GNAT3: variants seen among roughly 807,000 people sequenced by gnomAD.
The protein encoded by GNAT3 is guanine nucleotide-binding protein G(t) subunit alpha-3.
A neutral mutation model predicts 37.7 loss-of-function variants in GNAT3; 31 were observed. That is an observed-to-expected ratio of 0.82 (90% CI 0.62 to 1.11). The LOEUF is 1.11. Ranked by LOEUF, GNAT3 falls within the 50% of genes most tolerant of loss-of-function variation. The pLI, the probability that GNAT3 is intolerant of heterozygous loss-of-function variation, is 0.00. For missense variants in GNAT3, 437 were observed against 412.5 expected, an observed-to-expected ratio of 1.06 and a Z score of -0.51; for synonymous variants, 138 against 139.8, an observed-to-expected ratio of 0.99 and a Z score of 0.09.
intron 1 of GNAT3, among the ~76,000 whole-genome samples, chr7:80,507,151 T>C (rs982973170): frequency 1.3e-5 from 2 of 152,008 alleles, no homozygotes; most frequent in African/African-American, 4.8e-5. Flanking sequence ...TCCTAATATA[T>C]AATTATTCCA....
At chr7:80,493,910 C>T (rs1157023731) in intron 2 of GNAT3, among the ~76,000 whole-genome samples, 1 of 150,414 alleles carries the variant, frequency 6.6e-6, no homozygotes, top group African/African-American at 2.5e-5. Context: ...TGCACCTCCT[C>T]CTCCTTTCCT....
chr7:80,476,715 AG>A (rs907220521), intron 4 of GNAT3, among the ~76,000 whole-genome samples: 6 of 152,056 alleles, frequency 3.9e-5, no homozygotes, highest in African/African-American at 1.4e-4. Context: ...CACACATTAT[AG>A]TACCAATCTC....
rs1407672905 is a variant in GNAT3, at chr7:80,478,911, ACAGCCGTTTTATTACCTCAG to A, written c.371_390del (p.Ala124ValfsTer11). The stretch of plus-strand genomic sequence containing the variant: ...CAGGCCTGAATTCCTGGATCTCTCC[ACAGCCGTTTTATTACCTCAG>A]CCAGTTGAGGTGTCATGCCACCATC... On this transcript the variant is annotated frameshift_variant, in exon 4 of 8. Transcript: ENST00000398291. LOFTEE classifies it high-confidence loss of function. 1 of 1,613,284 alleles carries A rather than the reference ACAGCCGTTTTATTACCTCAG, an allele frequency of 6.2e-7. No individual in the cohort carries two copies. The highest frequency in any genetic ancestry group is 8.5e-7 in the Non-Finnish European group (1 of 1,179,558).
intron 1 of GNAT3, among the ~76,000 whole-genome samples, chr7:80,498,075 T>G (rs1584193884): frequency 6.6e-6 from 1 of 152,262 alleles, no homozygotes; most frequent in East Asian, 1.9e-4. Context: ...TTTTATTCAC[T>G]ATATGTTATT....
At chr7:80,472,315 TCA>T (rs1790234184) in intron 5 of GNAT3, among the ~76,000 whole-genome samples, 1 of 152,040 alleles carries the variant, frequency 6.6e-6, no homozygotes, top group African/African-American at 2.4e-5. Flanking sequence ...AGAGCTACAA[TCA>T]GCCAGCCCTC....
chr7:80,486,752 G>C (rs949903030), intron 3 of GNAT3, among the ~76,000 whole-genome samples: 1 of 149,972 alleles, frequency 6.7e-6, no homozygotes, highest in African/African-American at 2.5e-5. Context: ...TGAGATTATA[G>C]GCATGAGACA....
intron 5 of GNAT3, among the ~76,000 whole-genome samples, chr7:80,472,663 TCAACAGGTAA>T (rs1038972372): frequency 5.3e-5 from 8 of 152,146 alleles, no homozygotes; most frequent in African/African-American, 1.7e-4. Context: ...TTTTAGGTAT[TCAACAGGTAA>T]CATCACTTGT....
Position 80,496,683 on chromosome 7 carries a change from A to G in GNAT3, c.119-2036T>C, listed in dbSNP as rs1019760397. On this transcript the variant is annotated intron_variant, in intron 1 of 7. Coordinates refer to ENST00000398291, the MANE Select transcript of GNAT3 (RefSeq NM_001102386.3). ...CAGTGCCTAACTCAGTAGAATCTCA[A>G]TAAAACAAATGAATTCTTTGACTCA... 2.0e-5 allele frequency among the ~76,000 whole-genome samples: 3 copies of G among 152,208 alleles called. No homozygotes were observed. The East Asian group carries it at 5.8e-4, about 29-fold the overall frequency.
At chr7:80,497,676 A>ACGTATATACATATACGTATATACATACG (rs1361283267) in intron 1 of GNAT3, among the ~76,000 whole-genome samples, 1 of 95,874 alleles carries the variant, frequency 1.0e-5, no homozygotes, top group African/African-American at 9.0e-5. Context: ...ATATACATAC[A>ACGTATATACATATACGTATATACATACG]TATATACACA....
intron 5 of GNAT3, among the ~76,000 whole-genome samples, chr7:80,473,018 G>C (rs1009067520): frequency 1.3e-5 from 2 of 152,144 alleles, no homozygotes; most frequent in Admixed American, 1.3e-4. Context: ...GAGGGGCAGA[G>C]GGGGAGAAAC....
intron 1 of GNAT3, among the ~76,000 whole-genome samples, chr7:80,501,401 A>G (rs1375693356): frequency 6.6e-6 from 1 of 151,944 alleles, no homozygotes; most frequent in Non-Finnish European, 1.5e-5. Context: ...TTACCCATAA[A>G]TATTTTGAAA....
chr7:80,498,990 C>T (rs1268986826), intron 1 of GNAT3, among the ~76,000 whole-genome samples: 1 of 152,086 alleles, frequency 6.6e-6, no homozygotes, highest in Non-Finnish European at 1.5e-5. Context: ...TTCAATTGAA[C>T]ACACACAAGG....
At chr7:80,460,611 G>C (rs1175577483) in intron 7 of GNAT3, among the ~76,000 whole-genome samples, 1 of 152,074 alleles carries the variant, frequency 6.6e-6, no homozygotes, top group Non-Finnish European at 1.5e-5. Context: ...AGCCGGGCGT[G>C]GTGGCGTGCA....
Position 80,488,553 on chromosome 7 carries a change from A to G in GNAT3, c.285T>C (p.Tyr95=), listed in dbSNP as rs1166365000. ...TACTTACTGCACTTCTGGGATTTACATAATCAATTCCAAGGGTAGTCATGG... is the reference window on the plus strand; with the variant it reads ...TACTTACTGCACTTCTGGGATTTACGTAATCAATTCCAAGGGTAGTCATGG... ...VKAMTTLGID[Y]VNPRSAEDQR... Residue 95 remains tyrosine (Y), a synonymous_variant, in exon 3 of 8, where the codon TAT becomes TAC. Coordinates refer to ENST00000398291, the MANE Select transcript of GNAT3 (RefSeq NM_001102386.3). The G allele has an allele frequency of 1.2e-6, 2 of 1,601,808 alleles. No homozygotes were observed. Among genetic ancestry groups the G allele is most frequent in the Non-Finnish European group, 1.7e-6 (2 of 1,173,036 alleles).
intron 1 of GNAT3, among the ~76,000 whole-genome samples, chr7:80,497,893 A>G (rs1790763970): frequency 6.6e-6 from 1 of 152,088 alleles, no homozygotes; most frequent in African/African-American, 2.4e-5. Context: ...TAAAGTGAAA[A>G]TAATTTAGAC....
intron 3 of GNAT3, among the ~76,000 whole-genome samples, chr7:80,479,467 C>A (rs1790355451): frequency 1.3e-5 from 2 of 151,718 alleles, no homozygotes; most frequent in African/African-American, 4.8e-5. Context: ...CGCCTATAAT[C>A]CCAGCACTTA....
chr7:80,487,888 G>T (rs370411682), intron 3 of GNAT3: 13 of 151,920 alleles, frequency 8.6e-5, no homozygotes, highest in African/African-American at 3.1e-4. Flanking sequence ...AATTTTATAT[G>T]TCTGCCTATA....
chr7:80,488,219 A>G (rs1225958044), intron 3 of GNAT3, among the ~76,000 whole-genome samples: 3 of 152,122 alleles, frequency 2.0e-5, no homozygotes, highest in Non-Finnish European at 4.4e-5. Flanking sequence ...GATATTGCAA[A>G]TTGTGTTTAT....
chr7:80,499,108 A>G (rs1790787925), intron 1 of GNAT3, among the ~76,000 whole-genome samples: 1 of 152,168 alleles, frequency 6.6e-6, no homozygotes, highest in South Asian at 2.1e-4. Flanking sequence ...CTTAAAAATC[A>G]CATAATTGTA....
Sources: gnomAD v4.1 joint callset for allele counts (sites outside exome capture counted in the v4.1 genomes callset) on GRCh38, gnomAD v4.1.1 for gene constraint, MANE v1.5 for transcripts, NCBI Gene and HGNC (gene_info 2026-07-23, HGNC 2026-07-21) for gene names.